KAT7: variants seen among roughly 807,000 people sequenced by gnomAD.
KAT7 encodes the protein histone acetyltransferase KAT7.
In KAT7, 10 loss-of-function variants were observed where a neutral mutation model predicts 82.1. The observed-to-expected ratio is 0.12, with a 90% CI of 0.08 to 0.21. KAT7 has a LOEUF of 0.21. Among genes scored for constraint, KAT7 ranks in the 10% least tolerant of loss-of-function variants. KAT7 has a pLI of 1.00. For synonymous variants in KAT7, 250 were observed against 262.5 expected (o/e 0.95, Z 0.46); for missense variants, 378 against 760.9 (o/e 0.50, Z 5.92).
chr17:49,789,800 T>A (rs2073861736), intron 1 of KAT7: 1 of 152,082 alleles, frequency 6.6e-6, no homozygotes, highest in South Asian at 2.1e-4. Context: ...TAGTAAGTTC[T>A]CAGCTTGGAG....
chr17:49,819,583 GTC>G lies in KAT7; in HGVS notation c.1155+1574_1155+1575del. Among the ~76,000 whole-genome samples the G allele has an allele frequency of 2.0e-5, 3 of 152,306 alleles. No individual in the cohort carries two copies. The South Asian group carries it at 6.2e-4, about 32-fold the overall frequency. On this transcript the variant is annotated intron_variant, in intron 9 of 14. Coordinates refer to ENST00000259021, the MANE Select transcript of KAT7 (RefSeq NM_007067.5). ...TAGTAATAGAAGGAGAAAACAAAGA[GTC>G]TGAATAAATCTGAGAATCAAATAAA...
rs1469394455 is a variant in KAT7, at chr17:49,827,885, C to A, written c.*383C>A. Reference sequence around the variant, plus strand: ...AGTGCTTGCCACCTGGTCACCAGACCTCCAAATATGGCTGCCACCACCAGG... The same window carrying A: ...AGTGCTTGCCACCTGGTCACCAGACATCCAAATATGGCTGCCACCACCAGG... On this transcript the variant is annotated 3_prime_UTR_variant, in exon 15 of 15. Transcript: ENST00000259021. The A allele has an allele frequency of 1.7e-5, 3 of 179,602 alleles. No individual in the cohort carries two copies. In the East Asian group the frequency reaches 4.5e-4, roughly 27 times the overall value. 11.1% of individuals were successfully genotyped at this position (179,602 alleles called of 1,614,324 possible). A position where few individuals can be genotyped will look rare whatever the true frequency, so the allele number is the denominator to read the frequency against.
Position 49,826,658 on chromosome 17 carries a change from C to A in KAT7, c.1628-35C>A, listed in dbSNP as rs762518291. On this transcript the variant is annotated intron_variant, in intron 13 of 14. Coordinates refer to ENST00000259021, the MANE Select transcript of KAT7 (RefSeq NM_007067.5). ...GGGGGCAAAGGGGTGGGAACCTGCA[C>A]TTTGGCCAGGTTGTCAGTACTTCTT... The A allele has an allele frequency of 2.7e-6, 4 of 1,496,126 alleles. No homozygotes were observed. In the African/African-American group the frequency reaches 4.1e-5, roughly 15 times the overall value. The allele number at this position is 1,496,126 out of a possible 1,614,324, so 92.7% of individuals were successfully genotyped here.
At chr17:49,812,766 C>T (rs1337358341) in intron 7 of KAT7, among the ~76,000 whole-genome samples, 3 of 152,006 alleles carry the variant, frequency 2.0e-5, no homozygotes, top group Non-Finnish European at 2.9e-5. Flanking sequence ...TGCAGTGGTG[C>T]GATCTTGGCT....
Position 49,798,530 on chromosome 17 carries a change from G to A in KAT7, c.552G>A (p.Lys184=). 2 of 1,613,884 alleles carry A rather than the reference G, an allele frequency of 1.2e-6. No homozygotes were observed. The highest frequency in any genetic ancestry group is 1.7e-6 in the Non-Finnish European group (2 of 1,179,796). ...RFHESYNFNM[K]CPTPGCNSLG... ...ATGAAAGCTACAACTTCAATATGAA[G>A]TGTCCTACACCAGGCTGTAACTCTC... Residue 184 remains lysine, a synonymous_variant, in exon 4 of 15, where the codon AAG becomes AAA. Transcript: ENST00000259021.
chr17:49,789,032 A>G (rs1015288043), intron 1 of KAT7, 183 bp downstream of exon 1: 11 of 473,492 alleles, frequency 2.3e-5, no homozygotes, highest in East Asian at 1.4e-4. Flanking sequence ...GCCTCGGCCT[A>G]TGCTTGCAAC....
intron 5 of KAT7, among the ~76,000 whole-genome samples, chr17:49,807,488 T>C (rs2074105967): frequency 1.3e-5 from 2 of 152,210 alleles, no homozygotes; most frequent in Non-Finnish European, 2.9e-5. Flanking sequence ...GTAGGCCGTG[T>C]ATGGCTGGAT....
chr17:49,801,406 A>G (rs1233782055), intron 4 of KAT7, among the ~76,000 whole-genome samples: 3 of 152,114 alleles, frequency 2.0e-5, no homozygotes, highest in Non-Finnish European at 4.4e-5. Flanking sequence ...GGCTGGTCTC[A>G]AACTCTTGGG....
intron 3 of KAT7, among the ~76,000 whole-genome samples, chr17:49,797,208 C>T (rs1199887709): frequency 3.3e-5 from 5 of 151,972 alleles, no homozygotes; most frequent in South Asian, 4.1e-4. Flanking sequence ...GGACTACAGG[C>T]GCCTGCCACC....
intron 1 of KAT7, 149 bp downstream of exon 1, chr17:49,788,998 C>A: frequency 1.5e-6 from 1 of 655,778 alleles, no homozygotes; most frequent in South Asian, 3.2e-5. Context: ...CCATACCCAA[C>A]AGAAAAATGT....
chr17:49,815,519 A>T, intron 7 of KAT7: 1 of 266,124 alleles, frequency 3.8e-6, no homozygotes, highest in Non-Finnish European at 7.0e-6. Flanking sequence ...ATGAAGGAAC[A>T]GCGTTCTGAT....
At chr17:49,796,078 G>T (rs1276594026) in intron 2 of KAT7, among the ~76,000 whole-genome samples, 1 of 151,924 alleles carries the variant, frequency 6.6e-6, no homozygotes, top group African/African-American at 2.4e-5. Context: ...TTGTCCTCAG[G>T]TTGGAGATAT....
chr17:49,811,805 A>G lies in KAT7; in HGVS notation c.852+231A>G, dbSNP rs1350897642. 2.6e-5 allele frequency among the ~76,000 whole-genome samples: 4 copies of G among 152,230 alleles called. No individual in the cohort carries two copies. The East Asian group carries it at 5.8e-4, about 22-fold the overall frequency. The stretch of plus-strand genomic sequence containing the variant: ...AATACAATTAGAATTTAAATTTTAA[A>G]AAATTTGATCCTCTAGTTGTTCATA... On this transcript the variant is annotated intron_variant, in intron 7 of 14. Coordinates refer to ENST00000259021, the MANE Select transcript of KAT7 (RefSeq NM_007067.5).
chr17:49,804,637 ATGT>A (rs1359272712), intron 4 of KAT7, among the ~76,000 whole-genome samples: 1 of 151,738 alleles, frequency 6.6e-6, no homozygotes, highest in African/African-American at 2.4e-5. Context: ...GCCCAGCGTG[ATGT>A]TGTGAGCCTG....
At chr17:49,824,581 G>C (rs1177394762) in intron 12 of KAT7, 1 of 152,084 alleles carries the variant, frequency 6.6e-6, no homozygotes, top group African/African-American at 2.4e-5. Flanking sequence ...GGCTGGTCTC[G>C]AACTCCCGAG....
intron 5 of KAT7, 107 bp from the exon 6 acceptor site, chr17:49,809,012 A>C: frequency 1.2e-6 from 1 of 800,648 alleles, no homozygotes; most frequent in Non-Finnish European, 2.0e-6. Flanking sequence ...AGACCCTTTG[A>C]AAGTAAAGTA....
chr17:49,799,737 C>T (rs1042096098), intron 4 of KAT7, among the ~76,000 whole-genome samples: 8 of 152,094 alleles, frequency 5.3e-5, no homozygotes, highest in African/African-American at 1.9e-4. Context: ...GATCATAGCT[C>T]ACTGCAGCCT....
At chr17:49,798,816 C>T (rs1211963373) in intron 4 of KAT7, among the ~76,000 whole-genome samples, 3 of 152,132 alleles carry the variant, frequency 2.0e-5, no homozygotes, top group Non-Finnish European at 4.4e-5. Context: ...GTGAAAAATT[C>T]CCTCATTTTC....
intron 4 of KAT7, among the ~76,000 whole-genome samples, chr17:49,802,528 G>A (rs1262318025): frequency 2.0e-5 from 3 of 152,052 alleles, no homozygotes; most frequent in African/African-American, 7.2e-5. Flanking sequence ...TTAGCCAGGC[G>A]TGGTGGCGGC....
Sources: allele counts gnomAD v4.1 joint callset (sites outside exome capture counted in the v4.1 genomes callset), GRCh38; gene constraint gnomAD v4.1.1; transcripts MANE v1.5; gene names NCBI Gene and HGNC (gene_info 2026-07-23, HGNC 2026-07-21).